Variants in AKAP6 observed in about 807,000 individuals in gnomAD.
The protein encoded by AKAP6 is A-kinase anchoring protein 6, also known as A-kinase anchor protein 6.
In AKAP6, 58 loss-of-function variants were observed where a neutral mutation model predicts 188.5. That is an observed-to-expected ratio of 0.31 (90% CI 0.25 to 0.38). AKAP6 has a LOEUF of 0.38. Among genes scored for constraint, AKAP6 ranks in the 10% least tolerant of loss-of-function variants. The probability of loss-of-function intolerance (pLI) is 1.00; values close to 1 mark genes in which losing one functional copy is unlikely to be tolerated. For missense variants in AKAP6, 2,710 were observed against 2,740.0 expected (o/e 0.99, Z 0.24); for synonymous variants, 989 against 998.6 (o/e 0.99, Z 0.18).
chr14:32,386,815 C>T (rs1328825037), intron 1 of AKAP6, among the ~76,000 whole-genome samples: 2 of 152,050 alleles, frequency 1.3e-5, no homozygotes, highest in Non-Finnish European at 2.9e-5. Flanking sequence ...GTTTCATTCT[C>T]CTACTCGTGG....
intron 2 of AKAP6, among the ~76,000 whole-genome samples, chr14:32,510,435 TGTG>T: frequency 2.2e-5 from 1 of 45,124 alleles, no homozygotes; most frequent in Non-Finnish European, 4.9e-5. Flanking sequence ...CATATATATA[TGTG>T]TATATATATA....
At chr14:32,622,663 A>G (rs1031779356) in intron 7 of AKAP6, among the ~76,000 whole-genome samples, 5 of 152,160 alleles carry the variant, frequency 3.3e-5, no homozygotes, top group African/African-American at 9.7e-5. Flanking sequence ...ATAATGTTCT[A>G]TACAACATTT....
At chr14:32,485,184 T>C (rs1291258955) in intron 2 of AKAP6, among the ~76,000 whole-genome samples, 5 of 136,296 alleles carry the variant, frequency 3.7e-5, no homozygotes, top group Non-Finnish European at 7.7e-5. Context: ...GATGTATATG[T>C]GCCACATATT....
intron 9 of AKAP6, among the ~76,000 whole-genome samples, chr14:32,723,479 G>A (rs963706743): frequency 6.6e-6 from 1 of 152,020 alleles, no homozygotes; most frequent in African/African-American, 2.4e-5. Context: ...AGTTTGATCT[G>A]TGTAGTGTTA....
intron 10 of AKAP6, chr14:32,734,019 A>C (rs1199546338): frequency 1.3e-5 from 2 of 152,172 alleles, no homozygotes; most frequent in African/African-American, 4.8e-5. Flanking sequence ...TTAAGTCAAC[A>C]TTATTTTGAA....
intron 7 of AKAP6, among the ~76,000 whole-genome samples, chr14:32,601,922 T>A (rs1012014349): frequency 6.6e-6 from 1 of 152,182 alleles, no homozygotes; most frequent in Admixed American, 6.5e-5. Context: ...CGCCTTTAAC[T>A]TATTTGTTGG....
chr14:32,393,134 C>T (rs1406967661), intron 1 of AKAP6, among the ~76,000 whole-genome samples: 3 of 152,002 alleles, frequency 2.0e-5, no homozygotes, highest in African/African-American at 7.2e-5. Flanking sequence ...AAGAGAAATA[C>T]AGTAACTTTA....
At chr14:32,466,495 A>G (rs1168975979) in intron 2 of AKAP6, among the ~76,000 whole-genome samples, 1 of 152,162 alleles carries the variant, frequency 6.6e-6, no homozygotes, top group Non-Finnish European at 1.5e-5. Context: ...CAAACACTGC[A>G]TGTTCTCACA....
chr14:32,642,754 T>C (rs1470010728), intron 7 of AKAP6, among the ~76,000 whole-genome samples: 1 of 152,184 alleles, frequency 6.6e-6, no homozygotes, highest in Non-Finnish European at 1.5e-5. Context: ...TTTGAGAATA[T>C]GTAGAGATAT....
chr14:32,503,843 C>T (rs1880727446), intron 2 of AKAP6, among the ~76,000 whole-genome samples: 1 of 151,800 alleles, frequency 6.6e-6, no homozygotes, highest in African/African-American at 2.4e-5. Context: ...TCAGTTTTGT[C>T]TGACTATTCC....
In AKAP6 at chr14:32,643,057, A is replaced by G. The variant is rs554800891; in HGVS notation, c.2731-35254A>G. Among the ~76,000 whole-genome samples, 6 of 152,310 alleles carry G rather than the reference A, an allele frequency of 3.9e-5. No individual in the cohort carries two copies. In the South Asian group the frequency reaches 1.2e-3, roughly 32 times the overall value. ...TAGGACAACTAGAGCAAATCTGTAC[A>G]TTTCAATATAACTCTTATGAAACAA... is the stretch of plus-strand genomic sequence containing the variant. On this transcript the variant is annotated intron_variant, in intron 7 of 13. Transcript: ENST00000280979.
intron 1 of AKAP6, among the ~76,000 whole-genome samples, chr14:32,355,731 G>A (rs1594534562): frequency 6.6e-6 from 1 of 152,028 alleles, no homozygotes; most frequent in African/African-American, 2.4e-5. Flanking sequence ...GAAAATATCT[G>A]AGATTTCTGT....
At position 32,797,083 on chromosome 14, in the gene AKAP6, A is replaced by G. The variant is rs148819601; in HGVS notation, c.3588+23190A>G. ...CAAATCAAAACCACAATGAGATACCATCTCACGCCAGTCAGAATGACTATT... is the reference window on the plus strand; with the variant it reads ...CAAATCAAAACCACAATGAGATACCGTCTCACGCCAGTCAGAATGACTATT... On this transcript the variant is annotated intron_variant, in intron 12 of 13. Transcript: ENST00000280979. 1.4e-3 allele frequency among the ~76,000 whole-genome samples: 220 copies of G among 152,344 alleles called. 3 individuals are homozygous for G. In the East Asian group the frequency reaches 0.037, roughly 25 times the overall value.
intron 4 of AKAP6, among the ~76,000 whole-genome samples, chr14:32,555,311 TC>T (rs59932944): frequency 0.095 from 14,512 of 152,052 alleles, 960 homozygotes; most frequent in African/African-American, 0.19. Context: ...GAGAAGTTTT[TC>T]CCCCGAGATT....
At chr14:32,678,578 A>T (rs1889537980) in intron 8 of AKAP6, 119 bp downstream of exon 8, 6 of 1,121,612 alleles carry the variant, frequency 5.3e-6, no homozygotes, top group Non-Finnish European at 7.7e-6. Flanking sequence ...GAAGCTCAGT[A>T]GACTAGGCAT....
chr14:32,730,634 C>G (rs2031130029), intron 9 of AKAP6, among the ~76,000 whole-genome samples: 1 of 152,094 alleles, frequency 6.6e-6, no homozygotes, highest in Non-Finnish European at 1.5e-5. Flanking sequence ...AGCCAGAGGA[C>G]TCTTTCTGTC....
chr14:32,522,900 A>C (rs1387474753), intron 2 of AKAP6, among the ~76,000 whole-genome samples: 1 of 152,222 alleles, frequency 6.6e-6, no homozygotes, highest in South Asian at 2.1e-4. Flanking sequence ...GGCACTATTC[A>C]CAATAGCAAA....
chr14:32,728,221 T>C (rs1359987140), intron 9 of AKAP6, among the ~76,000 whole-genome samples: 2 of 141,558 alleles, frequency 1.4e-5, no homozygotes, highest in East Asian at 6.2e-4. Flanking sequence ...TTTTTTTTTT[T>C]TTTTTTTTTT....
intron 7 of AKAP6, among the ~76,000 whole-genome samples, chr14:32,622,567 A>G (rs1177154835): frequency 6.6e-6 from 1 of 152,202 alleles, no homozygotes; most frequent in Non-Finnish European, 1.5e-5. Context: ...CAAATGAATG[A>G]TAATCCTCTC....
Sources: gnomAD v4.1 joint callset for allele counts (sites outside exome capture counted in the v4.1 genomes callset) on GRCh38, gnomAD v4.1.1 for gene constraint, MANE v1.5 for transcripts, NCBI Gene and HGNC (gene_info 2026-07-23, HGNC 2026-07-21) for gene names.